Variants in GNPTAB observed in about 807,000 individuals in gnomAD.
GNPTAB encodes N-acetylglucosamine-1-phosphotransferase subunits alpha/beta.
Under a neutral mutation model 136.6 loss-of-function variants are expected in GNPTAB, and 92 were observed. That is an observed-to-expected ratio of 0.67 (90% confidence interval 0.57 to 0.80). GNPTAB has a LOEUF of 0.80. Ranked by LOEUF, GNPTAB falls within the 30% of genes least tolerant of loss-of-function variation. The pLI is 0.00. For synonymous variants in GNPTAB, 512 were observed against 535.1 expected, an observed-to-expected ratio of 0.96 and a Z score of 0.60; for missense variants, 1,343 against 1,501.8, an observed-to-expected ratio of 0.89 and a Z score of 1.75.
chr12:101,762,698 T>C (rs1471209607), intron 13 of GNPTAB, among the ~76,000 whole-genome samples: 5 of 152,220 alleles, frequency 3.3e-5, no homozygotes, highest in African/African-American at 1.2e-4. Context: ...ATTTACACTA[T>C]ACATATATTT....
intron 19 of GNPTAB, 116 bp downstream of exon 19, chr12:101,753,253 CAAA>C (rs994262825): frequency 1.1e-5 from 8 of 709,692 alleles, no homozygotes; most frequent in Non-Finnish European, 1.5e-5. Context: ...AACTCCGTCT[CAAA>C]AAAAAAAAAT....
At chr12:101,806,568 T>C (rs1350414321) in intron 1 of GNPTAB, among the ~76,000 whole-genome samples, 1 of 152,222 alleles carries the variant, frequency 6.6e-6, no homozygotes, top group Admixed American at 6.5e-5. Context: ...TTTTATGTTA[T>C]ATATGTTTAA....
At chr12:101,828,208 G>A (rs1490689879) in intron 1 of GNPTAB, among the ~76,000 whole-genome samples, 2 of 152,164 alleles carry the variant, frequency 1.3e-5, no homozygotes, top group East Asian at 1.9e-4. Flanking sequence ...AACTGTGTGA[G>A]GTGCTTTACA....
intron 1 of GNPTAB, among the ~76,000 whole-genome samples, chr12:101,802,627 G>A (rs1019616718): frequency 2.0e-5 from 3 of 152,112 alleles, no homozygotes; most frequent in African/African-American, 7.2e-5. Flanking sequence ...GCCTTAGACT[G>A]GAAAAACCTC....
rs139215843 is a variant in GNPTAB, at chr12:101,764,252, A to G, written c.2665T>C (p.Leu889=). The G allele has an allele frequency of 5.8e-4, 940 of 1,614,152 alleles. 8 individuals carry two copies. In the South Asian group the frequency reaches 9.6e-3, roughly 16 times the overall value. ...TTTTTCTCCCATGGCAAAAAGCCCA[A>G]GTAACTATCTGTGTAATGCTGCAGC... ...RKLQHYTDSY[L]GFLPWEKKKY... The change falls in exon 13 of 21, where the codon TTG becomes CTG. Residue 889 remains leucine (L), a synonymous_variant. Transcript: ENST00000299314.
intron 1 of GNPTAB, among the ~76,000 whole-genome samples, chr12:101,800,014 T>C (rs1177940375): frequency 6.6e-6 from 1 of 152,242 alleles, no homozygotes; most frequent in East Asian, 1.9e-4. Context: ...CATACACTTG[T>C]ACGTGTACTT....
intron 2 of GNPTAB, chr12:101,796,229 TA>T (rs897330024): frequency 2.8e-6 from 2 of 702,358 alleles, no homozygotes; most frequent in African/African-American, 3.5e-5. Context: ...TTCCTCATCC[TA>T]CAGGGGGATG....
intron 1 of GNPTAB, among the ~76,000 whole-genome samples, chr12:101,817,680 G>A (rs1247690773): frequency 6.6e-6 from 1 of 152,058 alleles, no homozygotes; most frequent in African/African-American, 2.4e-5. Flanking sequence ...TTTTTAAATA[G>A]CTAGCCAAGG....
intron 10 of GNPTAB, among the ~76,000 whole-genome samples, chr12:101,769,027 C>A (rs548193059): frequency 3.3e-5 from 5 of 152,300 alleles, no homozygotes; most frequent in Admixed American, 1.3e-4. Flanking sequence ...AATAGGGGAA[C>A]AGGAGAATGG....
chr12:101,753,264 AAT>A lies in GNPTAB; in HGVS notation c.3602+106_3602+107del. 1.4e-5 allele frequency: 15 copies of A among 1,045,658 alleles called. No individual in the cohort carries two copies. In the East Asian group the frequency reaches 3.4e-4, roughly 24 times the overall value. 64.8% of individuals were successfully genotyped at this position (1,045,658 alleles called of 1,614,324 possible). On this transcript the variant is annotated intron_variant, in intron 19 of 20. Coordinates refer to ENST00000299314, the MANE Select transcript of GNPTAB (RefSeq NM_024312.5). ...ACAAAACTCCGTCTCAAAAAAAAAA[AAT>A]AAAAAGAGAAATTTCATAAAAAAAA...
At chr12:101,759,747 C>T (rs1257690862) in intron 16 of GNPTAB, among the ~76,000 whole-genome samples, 1 of 152,164 alleles carries the variant, frequency 6.6e-6, no homozygotes. Context: ...TTCTCTCTGG[C>T]CAATGAGAAT....
At chr12:101,798,665 T>C (rs1869438758) in intron 1 of GNPTAB, among the ~76,000 whole-genome samples, 1 of 152,216 alleles carries the variant, frequency 6.6e-6, no homozygotes. Context: ...AAATCAACTG[T>C]AGTATATACT....
chr12:101,766,329 TAATTAC>T, intron 11 of GNPTAB, 35 bp from the exon 12 acceptor site: 1 of 1,571,574 alleles, frequency 6.4e-7, no homozygotes, highest in Non-Finnish European at 8.8e-7. Context: ...ATTCTTGCTG[TAATTAC>T]AATTTTGAAA....
intron 1 of GNPTAB, among the ~76,000 whole-genome samples, chr12:101,826,461 T>G (rs1871087765): frequency 6.6e-6 from 1 of 152,000 alleles, no homozygotes; most frequent in Non-Finnish European, 1.5e-5. Context: ...TTCAACTTTT[T>G]GTTTCTAATT....
At chr12:101,830,064 A>C (rs965394017) in intron 1 of GNPTAB, among the ~76,000 whole-genome samples, 8 of 151,612 alleles carry the variant, frequency 5.3e-5, no homozygotes, top group Non-Finnish European at 1.0e-4. Flanking sequence ...ATTTCAAACC[A>C]CTTAAAAATA....
chr12:101,771,246 CTT>C (rs367687458), intron 7 of GNPTAB, 89 bp from the exon 8 acceptor site: 16,386 of 828,452 alleles, frequency 0.02, no homozygotes, highest in Middle Eastern at 0.023. Context: ...TTAATCTTTC[CTT>C]TTTTTTTTTT....
chr12:101,794,823 T>G (rs1869188655), intron 2 of GNPTAB, among the ~76,000 whole-genome samples: 1 of 152,040 alleles, frequency 6.6e-6, no homozygotes, highest in African/African-American at 2.4e-5. Context: ...TCTCAGCACT[T>G]TGGGAGGTCA....
chr12:101,776,795 C>A (rs1251204976), intron 7 of GNPTAB, among the ~76,000 whole-genome samples: 1 of 152,220 alleles, frequency 6.6e-6, no homozygotes, highest in Admixed American at 6.5e-5. Context: ...AGGGCAGTAC[C>A]TGTCCTGAGA....
At position 101,772,763 on chromosome 12, in the gene GNPTAB, C is replaced by G. The variant is rs553517551; in HGVS notation, c.772-1606G>C. Among the ~76,000 whole-genome samples the G allele has an allele frequency of 7.2e-5, 11 of 152,300 alleles. No homozygotes were observed. The South Asian group carries it at 2.3e-3, about 32-fold the overall frequency. On this transcript the variant is annotated intron_variant, in intron 7 of 20. Transcript: ENST00000299314. ...CTCTCACAGCACCCCCAAAGCATTT[C>G]TGAGGGCTCCCTGGAGAGAAAAAGT...
Sources: allele counts gnomAD v4.1 joint callset (sites outside exome capture counted in the v4.1 genomes callset), GRCh38; gene constraint gnomAD v4.1.1; transcripts MANE v1.5; gene names NCBI Gene and HGNC (gene_info 2026-07-23, HGNC 2026-07-21).